The following SH3RF1 variants were observed in gnomAD, a reference collection of about 807,000 sequenced individuals.
SH3RF1 encodes the protein SH3 domain containing ring finger 1, also known as E3 ubiquitin-protein ligase SH3RF1.
Under a neutral mutation model 74.0 loss-of-function variants are expected in SH3RF1, and 32 were observed. The observed-to-expected ratio is 0.43, with a 90% confidence interval of 0.33 to 0.58. The LOEUF (loss-of-function observed/expected upper bound fraction) is 0.58. SH3RF1 is among the 20% of genes least tolerant of loss of function. The pLI is 0.05. For missense variants in SH3RF1, 954 were observed against 1,130.9 expected (o/e 0.84, Z 2.24); for synonymous variants, 396 against 439.6 (o/e 0.90, Z 1.24).
At chr4:169,178,377 T>C (rs1734457840) in intron 2 of SH3RF1, among the ~76,000 whole-genome samples, 1 of 151,902 alleles carries the variant, frequency 6.6e-6, no homozygotes, top group Non-Finnish European at 1.5e-5. Flanking sequence ...CATTGTTATG[T>C]TTTGAGGCAC....
intron 2 of SH3RF1, among the ~76,000 whole-genome samples, chr4:169,157,281 G>A (rs376149479): frequency 9.2e-5 from 14 of 152,312 alleles, no homozygotes; most frequent in African/African-American, 3.1e-4. Context: ...ACAGCAGTGA[G>A]TGAACAGTCA....
At chr4:169,110,026 CA>C (rs5863981) in intron 10 of SH3RF1, among the ~76,000 whole-genome samples, 173 of 107,288 alleles carry the variant, frequency 1.6e-3, no homozygotes, top group East Asian at 7.3e-3. Flanking sequence ...CAAAACAATA[CA>C]AAAAAAAAAA....
intron 5 of SH3RF1, among the ~76,000 whole-genome samples, chr4:169,131,589 C>A (rs1218634092): frequency 1.3e-5 from 2 of 152,192 alleles, no homozygotes; most frequent in Non-Finnish European, 2.9e-5. Flanking sequence ...AGGCAGGGAA[C>A]CTAAGGCTGT....
At chr4:169,242,496 G>C (rs555360479) in intron 2 of SH3RF1, among the ~76,000 whole-genome samples, 1 of 152,150 alleles carries the variant, frequency 6.6e-6, no homozygotes, top group Non-Finnish European at 1.5e-5. Flanking sequence ...AAAATCTCCT[G>C]GGAAACTTGT....
chr4:169,187,516 CTGTGTGTGTGTGTGTGTGTGTG>C lies in SH3RF1; in HGVS notation c.394-30859_394-30838del, dbSNP rs60705711. 7.3e-3 allele frequency among the ~76,000 whole-genome samples: 1,051 copies of C among 144,182 alleles called. 12 individuals are homozygous for C. The highest frequency in any genetic ancestry group is 0.023 in the African/African-American group (872 of 38,430). The allele number at this position is 144,182 out of a possible 152,430, so 94.6% of individuals were successfully genotyped here. The stretch of plus-strand genomic sequence containing the variant: ...AGTATATTTTCTTTACAACGAATTT[CTGTGTGTGTGTGTGTGTGTGTG>C]TGTGTGTGTGTGTGTGTGTGTGTGT... On this transcript the variant is annotated intron_variant, in intron 2 of 11. Coordinates refer to ENST00000284637, the MANE Select transcript of SH3RF1 (RefSeq NM_020870.4).
At chr4:169,208,399 G>A (rs1489470283) in intron 2 of SH3RF1, among the ~76,000 whole-genome samples, 2 of 152,224 alleles carry the variant, frequency 1.3e-5, no homozygotes, top group East Asian at 3.9e-4. Flanking sequence ...GGCAAAGGAA[G>A]CAGCAATGGG....
At chr4:169,206,509 T>C (rs1031482734) in intron 2 of SH3RF1, among the ~76,000 whole-genome samples, 4 of 152,146 alleles carry the variant, frequency 2.6e-5, no homozygotes, top group African/African-American at 7.2e-5. Context: ...TCCGTCTCCA[T>C]AAAAAATTTT....
At chr4:169,182,910 T>G (rs992944223) in intron 2 of SH3RF1, among the ~76,000 whole-genome samples, 1 of 151,818 alleles carries the variant, frequency 6.6e-6, no homozygotes, top group Admixed American at 6.6e-5. Context: ...CCAAAACTAC[T>G]GAAGTTGAAG....
At chr4:169,179,931 C>T (rs1010715223) in intron 2 of SH3RF1, among the ~76,000 whole-genome samples, 61 of 152,236 alleles carry the variant, frequency 4.0e-4, no homozygotes, top group African/African-American at 1.4e-3. Flanking sequence ...ATGGTGTGAA[C>T]GCAAATCCCT....
chr4:169,127,444 A>C (rs1337941663), intron 6 of SH3RF1, among the ~76,000 whole-genome samples: 1 of 152,236 alleles, frequency 6.6e-6, no homozygotes, highest in Non-Finnish European at 1.5e-5. Context: ...AATGCTTGAC[A>C]CAATTAATAT....
intron 2 of SH3RF1, among the ~76,000 whole-genome samples, chr4:169,180,953 T>C (rs1458947616): frequency 6.6e-6 from 1 of 152,224 alleles, no homozygotes; most frequent in Non-Finnish European, 1.5e-5. Flanking sequence ...GGGTTTCACC[T>C]GCCAGCAACC....
intron 2 of SH3RF1, among the ~76,000 whole-genome samples, chr4:169,252,106 G>T (rs1401928893): frequency 6.6e-6 from 1 of 152,132 alleles, no homozygotes. Flanking sequence ...ATTCACTCTT[G>T]TTTCAGGTTG....
chr4:169,199,890 T>C (rs890096091), intron 2 of SH3RF1, among the ~76,000 whole-genome samples: 1 of 152,186 alleles, frequency 6.6e-6, no homozygotes, highest in East Asian at 1.9e-4. Context: ...GATATTATAA[T>C]GTATTTTAAA....
rs1231060373 is a variant in SH3RF1, at chr4:169,119,182, C to T, written c.1518-1400G>A. Among the ~76,000 whole-genome samples, 4 of 151,666 alleles carry T rather than the reference C, an allele frequency of 2.6e-5. No homozygotes were observed. In the East Asian group the frequency reaches 7.7e-4, roughly 29 times the overall value. On this transcript the variant is annotated intron_variant, in intron 8 of 11. Coordinates refer to ENST00000284637, the MANE Select transcript of SH3RF1 (RefSeq NM_020870.4). The stretch of plus-strand genomic sequence containing the variant: ...GCAGTGGCATGATCTCGGCTCACTG[C>T]AGCCTCCGCCTCCCAGGTTCAAGTG...
At chr4:169,133,076 A>G (rs1249347362) in intron 5 of SH3RF1, among the ~76,000 whole-genome samples, 1 of 152,150 alleles carries the variant, frequency 6.6e-6, no homozygotes, top group African/African-American at 2.4e-5. Flanking sequence ...TTTGGACGTG[A>G]CAGTGACATC....
intron 2 of SH3RF1, among the ~76,000 whole-genome samples, chr4:169,242,963 G>A (rs2110736746): frequency 6.6e-6 from 1 of 152,296 alleles, no homozygotes; most frequent in Non-Finnish European, 1.5e-5. Flanking sequence ...TTTTTAACAG[G>A]CATCTAGGTG....
At chr4:169,176,353 A>G (rs1297614992) in intron 2 of SH3RF1, among the ~76,000 whole-genome samples, 1 of 152,226 alleles carries the variant, frequency 6.6e-6, no homozygotes. Flanking sequence ...ACGGTACATT[A>G]GGGCATATTT....
chr4:169,119,403 C>T (rs972240413), intron 8 of SH3RF1, among the ~76,000 whole-genome samples: 1 of 148,210 alleles, frequency 6.7e-6, no homozygotes, highest in African/African-American at 2.5e-5. Flanking sequence ...GCTGGGATTA[C>T]AGGCGTGAGC....
chr4:169,191,201 T>C (rs777815459), intron 2 of SH3RF1, among the ~76,000 whole-genome samples: 3 of 148,374 alleles, frequency 2.0e-5, no homozygotes, highest in Non-Finnish European at 4.4e-5. Context: ...CTCTTCAACA[T>C]ACAAAATTAA....
Sources: gnomAD v4.1 joint callset for allele counts (sites outside exome capture counted in the v4.1 genomes callset) on GRCh38, gnomAD v4.1.1 for gene constraint, MANE v1.5 for transcripts, NCBI Gene and HGNC (gene_info 2026-07-23, HGNC 2026-07-21) for gene names.